PHACTR1: variants seen among roughly 807,000 people sequenced by gnomAD.
PHACTR1 encodes phosphatase and actin regulator 1.
PHACTR1 carries 16 observed loss-of-function variants against 69.2 expected under a neutral mutation model. The observed-to-expected ratio is 0.23, with a 90% confidence interval of 0.16 to 0.35. PHACTR1 has a LOEUF of 0.35. Among genes scored for constraint, PHACTR1 ranks in the 10% least tolerant of loss-of-function variants. The pLI is 1.00. For synonymous variants in PHACTR1, 312 were observed against 284.5 expected (o/e 1.10, Z -0.97); for missense variants, 510 against 734.7 (o/e 0.69, Z 3.54).
At chr6:13,235,579 C>T (rs1288819317) in intron 10 of PHACTR1, among the ~76,000 whole-genome samples, 2 of 152,188 alleles carry the variant, frequency 1.3e-5, no homozygotes, top group Non-Finnish European at 2.9e-5. Flanking sequence ...GTGAAACCCC[C>T]AGAAGTTGGA....
chr6:13,230,238 C>T, intron 10 of PHACTR1, 45 bp downstream of exon 10: 2 of 1,578,476 alleles, frequency 1.3e-6, no homozygotes, highest in Non-Finnish European at 1.7e-6. Context: ...GGGCCTTTAG[C>T]TCTCCAGGTT....
intron 4 of PHACTR1, among the ~76,000 whole-genome samples, chr6:12,915,543 A>G (rs1295568883): frequency 6.7e-6 from 1 of 148,738 alleles, no homozygotes; most frequent in Admixed American, 6.7e-5. Flanking sequence ...AAACAGGAGG[A>G]GAAGTGCCCT....
At chr6:12,960,425 A>G (rs951560854) in intron 4 of PHACTR1, among the ~76,000 whole-genome samples, 13 of 152,252 alleles carry the variant, frequency 8.5e-5, no homozygotes, top group Non-Finnish European at 1.6e-4. Flanking sequence ...GAATTAATTC[A>G]ATAACACTTG....
At chr6:13,268,544 T>C (rs542986122) in intron 10 of PHACTR1, among the ~76,000 whole-genome samples, 5 of 152,344 alleles carry the variant, frequency 3.3e-5, no homozygotes, top group Admixed American at 2.6e-4. Context: ...CTTGGAACCA[T>C]ACCCTTACAT....
intron 4 of PHACTR1, among the ~76,000 whole-genome samples, chr6:12,985,478 G>C (rs539998574): frequency 4.9e-4 from 73 of 147,974 alleles, no homozygotes; most frequent in African/African-American, 1.7e-3. Context: ...TGTGGCTACT[G>C]TTTATATTGA....
chr6:13,059,698 C>T (rs1288633129), intron 5 of PHACTR1, among the ~76,000 whole-genome samples: 2 of 152,042 alleles, frequency 1.3e-5, no homozygotes, highest in Non-Finnish European at 2.9e-5. Flanking sequence ...AAGTTTGACA[C>T]CCTAATGTTG....
intron 4 of PHACTR1, among the ~76,000 whole-genome samples, chr6:13,044,782 A>G (rs1220423012): frequency 1.3e-5 from 2 of 152,326 alleles, no homozygotes; most frequent in Non-Finnish European, 2.9e-5. Context: ...TAAGTGAAGC[A>G]TATCTGAGCC....
chr6:12,963,005 C>T (rs908607277), intron 4 of PHACTR1, among the ~76,000 whole-genome samples: 2 of 152,158 alleles, frequency 1.3e-5, no homozygotes, highest in African/African-American at 4.8e-5. Context: ...CACACACATA[C>T]ACATTGATTT....
chr6:13,143,380 C>T (rs1444095451), intron 5 of PHACTR1, among the ~76,000 whole-genome samples: 1 of 152,190 alleles, frequency 6.6e-6, no homozygotes, highest in African/African-American at 2.4e-5. Context: ...TATATCAAAA[C>T]ATCCCACATA....
At chr6:13,205,612 A>G (rs897995037) in intron 7 of PHACTR1, among the ~76,000 whole-genome samples, 7 of 152,244 alleles carry the variant, frequency 4.6e-5, no homozygotes. Flanking sequence ...CCTTATGGCC[A>G]GTGCAAGTGC....
Position 13,062,628 on chromosome 6 carries a change from T to G in PHACTR1, c.415+9099T>G, listed in dbSNP as rs140042098. ...GTTCTGGAAGAGTCTGTCCCTGGTG[T>G]CCAAGATGGTTGCCTTCCATGCTAG... On this transcript the variant is annotated intron_variant, in intron 5 of 14. Transcript: ENST00000332995. 4.6e-3 allele frequency among the ~76,000 whole-genome samples: 708 copies of G among 152,312 alleles called. 5 individuals carry two copies. Among genetic ancestry groups the G allele is most frequent in the African/African-American group, 0.016 (670 of 41,570 alleles).
chr6:12,734,001 C>T (rs1003920446), intron 3 of PHACTR1, among the ~76,000 whole-genome samples: 13 of 152,188 alleles, frequency 8.5e-5, no homozygotes, highest in African/African-American at 3.1e-4. Flanking sequence ...CTCAGTTCAA[C>T]ATACAAAGCC....
chr6:12,755,802 G>A (rs1416298289), intron 4 of PHACTR1, among the ~76,000 whole-genome samples: 2 of 152,038 alleles, frequency 1.3e-5, no homozygotes, highest in East Asian at 1.9e-4. Context: ...AAAATTAAAC[G>A]GGTATGTAAG....
chr6:13,251,448 G>A (rs1480540104), intron 10 of PHACTR1, among the ~76,000 whole-genome samples: 1 of 152,178 alleles, frequency 6.6e-6, no homozygotes, highest in African/African-American at 2.4e-5. Flanking sequence ...GGGCATTTCA[G>A]CATCAAGAAA....
intron 4 of PHACTR1, among the ~76,000 whole-genome samples, chr6:12,863,080 T>C (rs1410933056): frequency 6.6e-6 from 1 of 152,256 alleles, no homozygotes; most frequent in African/African-American, 2.4e-5. Context: ...TTATGAACTC[T>C]ACAGCTGTAT....
intron 4 of PHACTR1, among the ~76,000 whole-genome samples, chr6:12,883,492 G>T (rs1474834169): frequency 1.3e-5 from 2 of 151,418 alleles, no homozygotes; most frequent in Non-Finnish European, 2.9e-5. Flanking sequence ...TAGGATTACA[G>T]GTGTGAGCCA....
chr6:13,108,607 A>G (rs967673463), intron 5 of PHACTR1, among the ~76,000 whole-genome samples: 21 of 151,990 alleles, frequency 1.4e-4, no homozygotes, highest in Admixed American at 1.1e-3. Context: ...TAATGATATT[A>G]TTTATATCTG....
intron 4 of PHACTR1, among the ~76,000 whole-genome samples, chr6:12,757,735 G>A (rs569587242): frequency 6.6e-6 from 1 of 152,188 alleles, no homozygotes; most frequent in Non-Finnish European, 1.5e-5. Flanking sequence ...CGATCATTTG[G>A]GGGCACGGAG....
At chr6:13,183,779 C>T (rs1762486906) in intron 7 of PHACTR1, among the ~76,000 whole-genome samples, 1 of 152,180 alleles carries the variant, frequency 6.6e-6, no homozygotes, top group African/African-American at 2.4e-5. Flanking sequence ...ATCCAGACTT[C>T]CTTGTGACAC....
Sources: allele counts gnomAD v4.1 joint callset (sites outside exome capture counted in the v4.1 genomes callset), GRCh38; gene constraint gnomAD v4.1.1; transcripts MANE v1.5; gene names NCBI Gene and HGNC (gene_info 2026-07-23, HGNC 2026-07-21).